Variants in MTA3 observed in about 807,000 individuals in gnomAD.
MTA3 encodes metastasis-associated protein MTA3.
Under a neutral mutation model 83.5 loss-of-function variants are expected in MTA3, and 34 were observed. The observed-to-expected ratio is 0.41, with a 90% confidence interval of 0.31 to 0.54. MTA3 has a LOEUF of 0.54. MTA3 is among the 20% of genes least tolerant of loss of function. MTA3 has a pLI of 0.33. For synonymous variants in MTA3, 303 were observed against 252.7 expected (o/e 1.20, Z -1.89); for missense variants, 761 against 726.4 (o/e 1.05, Z -0.55).
At chr2:42,665,419 T>G (rs1277464292) in intron 8 of MTA3, among the ~76,000 whole-genome samples, 3 of 151,868 alleles carry the variant, frequency 2.0e-5, no homozygotes, top group Non-Finnish European at 4.4e-5. Flanking sequence ...AAAAGTAGGT[T>G]TACAGTACTT....
At chr2:42,576,838 A>G (rs1255223608) in intron 2 of MTA3, among the ~76,000 whole-genome samples, 1 of 152,152 alleles carries the variant, frequency 6.6e-6, no homozygotes, top group East Asian at 1.9e-4. Context: ...CGGAAGTTGC[A>G]GTGAGCTGAG....
chr2:42,667,570 T>TTGTGTGTGTGTGTG (rs1553379043), intron 8 of MTA3, among the ~76,000 whole-genome samples: 2 of 145,010 alleles, frequency 1.4e-5, no homozygotes, highest in Non-Finnish European at 3.0e-5. Context: ...CATTTAAAAA[T>TTGTGTGTGTGTGTG]TGTGTGTGTG....
rs956501713 is a variant in MTA3, at chr2:42,755,303, A to G, written c.*1904A>G. 1 of 985,436 alleles carries G rather than the reference A, an allele frequency of 1.0e-6. No homozygotes were observed. The highest frequency in any genetic ancestry group is 1.7e-5 in the African/African-American group (1 of 57,328). The allele number at this position is 985,436 out of a possible 1,614,324, so 61.0% of individuals were successfully genotyped here. On this transcript the variant is annotated 3_prime_UTR_variant, in exon 17 of 17. Coordinates refer to ENST00000405094, the MANE Select transcript of MTA3 (RefSeq NM_001330442.2). ...AGTGGTGACTGCAGATTCTGGAAAC[A>G]ATTAGCTGCCCGTGACTCAGCTGCC...
intron 4 of MTA3, among the ~76,000 whole-genome samples, chr2:42,623,881 CG>C (rs942096660): frequency 6.6e-6 from 1 of 151,906 alleles, no homozygotes; most frequent in African/African-American, 2.4e-5. Flanking sequence ...TAAGTAGAGA[CG>C]GGGTTTCACC....
intron 16 of MTA3, among the ~76,000 whole-genome samples, chr2:42,728,458 A>G (rs1160353751): frequency 1.3e-5 from 2 of 152,202 alleles, no homozygotes; most frequent in Non-Finnish European, 2.9e-5. Context: ...ATATAACAGC[A>G]GGATTGCTGG....
chr2:42,579,091 T>A lies in MTA3; in HGVS notation c.97-16T>A. ...AATATTCAGTGCAAATGACTTTTAT[T>A]TTTCTTATCTCTTAGACTGCAAGTG... is the stretch of plus-strand genomic sequence containing the variant. On this transcript the variant is annotated splice_polypyrimidine_tract_variant and intron_variant, in intron 2 of 16. Coordinates refer to ENST00000405094, the MANE Select transcript of MTA3 (RefSeq NM_001330442.2). 6.4e-7 allele frequency: 1 copy of A among 1,561,964 alleles called. No individual in the cohort carries two copies. The highest frequency in any genetic ancestry group is 8.7e-7 in the Non-Finnish European group (1 of 1,150,310).
chr2:42,756,032 A>G lies in MTA3; in HGVS notation c.*2633A>G, dbSNP rs1461071882. 3 of 983,176 alleles carry G rather than the reference A, an allele frequency of 3.1e-6. No individual in the cohort carries two copies. Among genetic ancestry groups the G allele is most frequent in the East Asian group, 2.3e-4 (2 of 8,814 alleles). The allele number at this position is 983,176 out of a possible 1,614,324, so 60.9% of individuals were successfully genotyped here. ...TCTCAGGGCCCACCCAGGAAAATGG[A>G]TTTCAAGTGGGGGTTTTCATCCAGA... On this transcript the variant is annotated 3_prime_UTR_variant, in exon 17 of 17. Coordinates refer to ENST00000405094, the MANE Select transcript of MTA3 (RefSeq NM_001330442.2).
chr2:42,512,575 T>A (rs755958039), intron 2 of MTA3, among the ~76,000 whole-genome samples: 16 of 152,216 alleles, frequency 1.1e-4, no homozygotes, highest in Admixed American at 3.9e-4. Flanking sequence ...GCTTCTGTTG[T>A]GAGGGATGAA....
intron 3 of MTA3, among the ~76,000 whole-genome samples, chr2:42,585,773 C>G (rs1053086085): frequency 6.6e-6 from 1 of 151,680 alleles, no homozygotes; most frequent in Non-Finnish European, 1.5e-5. Context: ...TTTGCGTGGC[C>G]CCATCCTGTA....
chr2:42,571,504 A>G (rs905676446), intron 2 of MTA3, among the ~76,000 whole-genome samples: 1 of 152,112 alleles, frequency 6.6e-6, no homozygotes, highest in African/African-American at 2.4e-5. Flanking sequence ...GATATTTTCA[A>G]ATTGCTTAGA....
chr2:42,554,656 C>T lies in MTA3; in HGVS notation c.-140-15781C>T, dbSNP rs147963395. ...CCCGAATGACAGCTGTTTCTTTCTACATGAAAATCTCCTTTTGAGATCTCC... is the reference window on the plus strand; with the variant it reads ...CCCGAATGACAGCTGTTTCTTTCTATATGAAAATCTCCTTTTGAGATCTCC... On this transcript the variant is annotated intron_variant, in intron 2 of 17. Transcript: ENST00000405592. Among the ~76,000 whole-genome samples, 269 of 152,304 alleles carry T rather than the reference C, an allele frequency of 1.8e-3. 5 individuals carry two copies. The highest frequency in any genetic ancestry group is 6.2e-3 in the African/African-American group (257 of 41,570).
intron 7 of MTA3, among the ~76,000 whole-genome samples, chr2:42,658,224 C>G (rs1359094136): frequency 6.6e-6 from 1 of 152,058 alleles, no homozygotes; most frequent in Non-Finnish European, 1.5e-5. Context: ...CTCTCATATC[C>G]TGCTGGTGAG....
intron 3 of MTA3, among the ~76,000 whole-genome samples, chr2:42,588,504 A>G (rs929807121): frequency 2.0e-5 from 3 of 152,212 alleles, no homozygotes; most frequent in Non-Finnish European, 4.4e-5. Flanking sequence ...GCAGCTGACA[A>G]TTCAATTAGG....
At chr2:42,602,710 C>G (rs1198181039) in intron 3 of MTA3, among the ~76,000 whole-genome samples, 2 of 152,152 alleles carry the variant, frequency 1.3e-5, no homozygotes, top group South Asian at 2.1e-4. Flanking sequence ...CTGGGAGACA[C>G]TCCCTAATGA....
rs1666756210 is a variant in MTA3, at chr2:42,713,076, C to CCTCACAGACTGAGGTTAAATAGAAG, written c.1525+3980_1525+3981insCTCACAGACTGAGGTTAAATAGAAG. Among the ~76,000 whole-genome samples the CCTCACAGACTGAGGTTAAATAGAAG allele has an allele frequency of 2.0e-5, 3 of 152,340 alleles. No individual in the cohort carries two copies. The South Asian group carries it at 6.2e-4, about 32-fold the overall frequency. On this transcript the variant is annotated intron_variant, in intron 14 of 16. Transcript: ENST00000405094. ...CTGAGGTTAAATAGAAGTAGGTTTACTAGCAACATTCCAAAGATGAAGCTA... is the reference window on the plus strand; with the variant it reads ...CTGAGGTTAAATAGAAGTAGGTTTACCTCACAGACTGAGGTTAAATAGAAGTAGCAACATTCCAAAGATGAAGCTA...
chr2:42,594,496 C>A, intron 3 of MTA3, among the ~76,000 whole-genome samples: 1 of 150,434 alleles, frequency 6.6e-6, no homozygotes, highest in Admixed American at 6.7e-5. Flanking sequence ...ACTCGGACTC[C>A]CAAAGTGCCG....
At chr2:42,553,227 A>C (rs368280343) in intron 2 of MTA3, among the ~76,000 whole-genome samples, 28 of 151,766 alleles carry the variant, frequency 1.8e-4, no homozygotes, top group South Asian at 6.2e-4. Context: ...AGATCGAGAC[A>C]ATCCTGGCTA....
chr2:42,646,588 CTG>C (rs1488146424), intron 6 of MTA3, among the ~76,000 whole-genome samples: 2 of 152,180 alleles, frequency 1.3e-5, no homozygotes, highest in South Asian at 2.1e-4. Context: ...GTGGAAGTAA[CTG>C]TAGTTATGGT....
intron 2 of MTA3, among the ~76,000 whole-genome samples, chr2:42,502,977 T>C (rs1447778249): frequency 6.8e-6 from 1 of 147,532 alleles, no homozygotes; most frequent in Non-Finnish European, 1.5e-5. Context: ...AAAAAGCAAA[T>C]AAATAAAACA....
Sources: gnomAD v4.1 joint callset for allele counts (sites outside exome capture counted in the v4.1 genomes callset) on GRCh38, gnomAD v4.1.1 for gene constraint, MANE v1.5 for transcripts, NCBI Gene and HGNC (gene_info 2026-07-23, HGNC 2026-07-21) for gene names.